The following GLDC variants were observed in gnomAD, a reference collection of about 807,000 sequenced individuals.
GLDC encodes glycine dehydrogenase (decarboxylating), mitochondrial.
In GLDC, 104 loss-of-function variants were observed where a neutral mutation model predicts 121.3. The ratio of observed to expected loss-of-function variants is 0.86; its 90% confidence interval spans 0.73 to 1.01. The LOEUF (loss-of-function observed/expected upper bound fraction) is 1.01. Ranked by LOEUF, GLDC falls within the 50% of genes least tolerant of loss-of-function variation. The pLI, the probability that GLDC is intolerant of heterozygous loss-of-function variation, is 0.00. For missense variants in GLDC, 1,429 were observed against 1,306.6 expected (o/e 1.09, Z -1.44); for synonymous variants, 546 against 480.6 (o/e 1.14, Z -1.78).
intron 17 of GLDC, chr9:6,558,248 T>C: frequency 1.7e-6 from 1 of 584,024 alleles, no homozygotes; most frequent in South Asian, 2.1e-5. Flanking sequence ...GTGACTGCCA[T>C]TTTGATTATT....
At chr9:6,582,914 C>A (rs1053370567) in intron 15 of GLDC, among the ~76,000 whole-genome samples, 1 of 151,904 alleles carries the variant, frequency 6.6e-6, no homozygotes, top group Non-Finnish European at 1.5e-5. Flanking sequence ...CTTGAATACA[C>A]GTTTCTCCAA....
At chr9:6,612,777 G>A (rs1021899841) in intron 3 of GLDC, among the ~76,000 whole-genome samples, 30 of 152,146 alleles carry the variant, frequency 2.0e-4, no homozygotes, top group Admixed American at 1.7e-3. Context: ...CAGAAGAATC[G>A]CTTGAAACCA....
chr9:6,618,117 G>C (rs1819002495), intron 3 of GLDC, among the ~76,000 whole-genome samples: 1 of 152,180 alleles, frequency 6.6e-6, no homozygotes, highest in Admixed American at 6.5e-5. Context: ...ATCTATGTCT[G>C]ATTTGTTTCC....
chr9:6,610,684 C>G (rs907496668), intron 3 of GLDC, among the ~76,000 whole-genome samples: 12 of 152,108 alleles, frequency 7.9e-5, no homozygotes, highest in African/African-American at 2.9e-4. Flanking sequence ...CACTGAGCCT[C>G]AATGTACAAG....
At chr9:6,609,527 G>T (rs1243094907) in intron 4 of GLDC, among the ~76,000 whole-genome samples, 1 of 151,994 alleles carries the variant, frequency 6.6e-6, no homozygotes, top group African/African-American at 2.4e-5. Flanking sequence ...CCAAGGTTTG[G>T]AACAACGGAG....
intron 15 of GLDC, among the ~76,000 whole-genome samples, chr9:6,583,311 C>T (rs1056943675): frequency 1.3e-5 from 2 of 152,036 alleles, no homozygotes; most frequent in Non-Finnish European, 2.9e-5. Context: ...GATGGAACAA[C>T]TCAAGTGTCC....
chr9:6,604,492 G>A (rs1818689486), intron 7 of GLDC, 96 bp downstream of exon 7: 3 of 1,124,154 alleles, frequency 2.7e-6, no homozygotes, highest in Admixed American at 1.7e-5. Context: ...ACTCAACATG[G>A]CCCAGTTGAA....
chr9:6,635,286 A>AT (rs918436261), intron 2 of GLDC, among the ~76,000 whole-genome samples: 12 of 152,210 alleles, frequency 7.9e-5, no homozygotes, highest in Non-Finnish European at 1.8e-4. Flanking sequence ...ATGGAAGCAG[A>AT]TGGAGGAAGC....
Position 6,644,678 on chromosome 9 carries a change from CA to C in GLDC, c.269del (p.Leu90Ter). On this transcript the variant is annotated frameshift_variant, in exon 2 of 25. Coordinates refer to ENST00000321612, the MANE Select transcript of GLDC (RefSeq NM_000170.3). LOFTEE classifies it high-confidence loss of function. ...TGTTGGCAGGGACCGTCTTCTCGATCAATTCATCAATGCTCTAAAATTAAAA... is the reference window on the plus strand; with the variant it reads ...TGTTGGCAGGGACCGTCTTCTCGATCATTCATCAATGCTCTAAAATTAAAA... ...QTLGLASIDE[L>X]IEKTVPANIR... 6.2e-7 allele frequency: 1 copy of C among 1,611,622 alleles called. No homozygotes were observed. Among genetic ancestry groups the C allele is most frequent in the Non-Finnish European group, 8.5e-7 (1 of 1,177,802 alleles).
rs370695751 is a variant in GLDC at position 6,575,452 on chromosome 9, G to A, written c.1851-10023C>T. Among the ~76,000 whole-genome samples, 213 of 152,272 alleles carry A rather than the reference G, an allele frequency of 1.4e-3. 1 individual carries two copies. Among genetic ancestry groups the A allele is most frequent in the Non-Finnish European group, 2.2e-3 (152 of 68,022 alleles). On this transcript the variant is annotated intron_variant, in intron 15 of 24. Coordinates refer to ENST00000321612, the MANE Select transcript of GLDC (RefSeq NM_000170.3). The stretch of plus-strand genomic sequence containing the variant: ...GGGATTTGTTAAAAATGCAAATTCT[G>A]GGGCCCTACTCCAGACTTACTGAAT...
At chr9:6,542,066 C>T (rs553084382) in intron 21 of GLDC, 1 of 152,094 alleles carries the variant, frequency 6.6e-6, no homozygotes, top group Non-Finnish European at 1.5e-5. Flanking sequence ...GTGGTGAAAC[C>T]CCATCTCTAC....
intron 21 of GLDC, among the ~76,000 whole-genome samples, chr9:6,542,609 G>A (rs1587913846): frequency 1.3e-5 from 2 of 152,006 alleles, no homozygotes; most frequent in East Asian, 1.9e-4. Flanking sequence ...AATTCAGCCG[G>A]GCATGGTAGC....
intron 2 of GLDC, among the ~76,000 whole-genome samples, chr9:6,637,859 T>C (rs1587984674): frequency 1.3e-5 from 2 of 151,788 alleles, no homozygotes; most frequent in African/African-American, 4.9e-5. Context: ...TAAAAATTTT[T>C]TTTTACTTTT....
rs140877566 is a variant in GLDC at position 6,556,307 on chromosome 9, G to A, written c.2053-5C>T. The stretch of plus-strand genomic sequence containing the variant: ...GTTCTCCTTGTGCTTATCCACCTGT[G>A]AAAGAAAAGGGGTAGAGAAGGACAT... On this transcript the variant is annotated splice_polypyrimidine_tract_variant and splice_region_variant and intron_variant, in intron 17 of 24. Coordinates refer to ENST00000321612, the MANE Select transcript of GLDC (RefSeq NM_000170.3). The A allele has an allele frequency of 6.2e-7, 1 of 1,612,130 alleles. No homozygotes were observed. The highest frequency in any genetic ancestry group is 8.5e-7 in the Non-Finnish European group (1 of 1,178,188).
chr9:6,627,398 A>C (rs183238354), intron 2 of GLDC, among the ~76,000 whole-genome samples: 1 of 152,234 alleles, frequency 6.6e-6, no homozygotes, highest in African/African-American at 2.4e-5. Context: ...GAGACAAAGA[A>C]GTTTCTAAGG....
intron 1 of GLDC, 181 bp from the exon 2 acceptor site, chr9:6,644,873 G>A (rs1819707774): frequency 3.1e-6 from 2 of 647,250 alleles, no homozygotes; most frequent in Admixed American, 5.0e-5. Context: ...TCGTGAAGTG[G>A]GGTGGAGATT....
chr9:6,540,519 T>C (rs991145953), intron 21 of GLDC: 3 of 255,738 alleles, frequency 1.2e-5, no homozygotes, highest in Admixed American at 5.0e-5. Context: ...TGTATAGTCC[T>C]GATCCTTTTA....
chr9:6,577,826 C>A (rs1483243106), intron 15 of GLDC, among the ~76,000 whole-genome samples: 1 of 151,414 alleles, frequency 6.6e-6, no homozygotes, highest in Non-Finnish European at 1.5e-5. Flanking sequence ...TTTTTTTTTG[C>A]TCGAATCCTG....
At chr9:6,556,082 C>T in intron 18 of GLDC, 71 bp downstream of exon 18, 1 of 1,339,992 alleles carries the variant, frequency 7.5e-7, no homozygotes, top group Non-Finnish European at 1.1e-6. Flanking sequence ...CTCAAGAAGT[C>T]AGAATTTTTT....
Sources: gnomAD v4.1 joint callset for allele counts (sites outside exome capture counted in the v4.1 genomes callset) on GRCh38, gnomAD v4.1.1 for gene constraint, MANE v1.5 for transcripts, NCBI Gene and HGNC (gene_info 2026-07-23, HGNC 2026-07-21) for gene names.